The following THNSL2 variants were observed in gnomAD, a reference collection of about 807,000 sequenced individuals.
THNSL2 encodes threonine synthase-like 2.
A neutral mutation model predicts 40.0 loss-of-function variants in THNSL2; 34 were observed. The ratio of observed to expected loss-of-function variants is 0.85; its 90% CI spans 0.65 to 1.13. THNSL2 has a LOEUF of 1.13. THNSL2 is among the 50% of genes most tolerant of loss of function. The pLI is 0.00. For synonymous variants in THNSL2, 241 were observed against 247.5 expected (o/e 0.97, Z 0.25); for missense variants, 537 against 608.8 (o/e 0.88, Z 1.24).
In THNSL2 at chr2:88,174,907, C is replaced by T; in HGVS notation, c.418+74C>T. On this transcript the variant is annotated intron_variant, in intron 3 of 8. Coordinates refer to ENST00000674334, the MANE Select transcript of THNSL2 (RefSeq NM_018271.5). Reference sequence around the variant, plus strand: ...GGGTGTCCACCTATAGGATGCTGTTCATAGAGCCACTCAGGAACTGTGGTA... The same window carrying T: ...GGGTGTCCACCTATAGGATGCTGTTTATAGAGCCACTCAGGAACTGTGGTA... 6 of 1,512,150 alleles carry T rather than the reference C, an allele frequency of 4.0e-6. No homozygotes were observed. In the South Asian group the frequency reaches 7.3e-5, roughly 18 times the overall value. The allele number at this position is 1,512,150 out of a possible 1,614,324, so 93.7% of individuals were successfully genotyped here.
At chr2:88,177,235 C>G (rs1677029965) in intron 4 of THNSL2, 2 of 152,206 alleles carry the variant, frequency 1.3e-5, no homozygotes, top group South Asian at 4.1e-4. Flanking sequence ...ATAAACGACA[C>G]TATTCAGATC....
chr2:88,183,385 G>C, intron 7 of THNSL2: 1 of 246,982 alleles, frequency 4.0e-6, no homozygotes, highest in Non-Finnish European at 7.8e-6. Flanking sequence ...TAGAGTTGTT[G>C]TGAGATTTAA....
At chr2:88,184,863 A>G (rs1678096108) in intron 7 of THNSL2, among the ~76,000 whole-genome samples, 1 of 152,220 alleles carries the variant, frequency 6.6e-6, no homozygotes, top group South Asian at 2.1e-4. Flanking sequence ...CATGCAATAC[A>G]TTTTCAGAAG....
At chr2:88,175,537 G>A in intron 4 of THNSL2, 136 bp downstream of exon 4, 1 of 1,173,860 alleles carries the variant, frequency 8.5e-7, no homozygotes, top group Non-Finnish European at 1.2e-6. Flanking sequence ...CGAGGTTGGT[G>A]TGTATGCCTT....
At chr2:88,175,100 A>G (rs891138978) in intron 3 of THNSL2, 149 bp from the exon 4 acceptor site, 63 of 934,184 alleles carry the variant, frequency 6.7e-5, no homozygotes, top group Non-Finnish European at 8.6e-5. Flanking sequence ...CCGTGGATCC[A>G]TGGACCCTAG....
chr2:88,179,789 T>G lies in THNSL2; in HGVS notation c.802+776T>G, dbSNP rs570664338. On this transcript the variant is annotated intron_variant, in intron 5 of 8. Transcript: ENST00000674334. Reference sequence around the variant, plus strand: ...GGAGAGGACACTTTCCATTTTATAATGAGGGAACAAAGGCACAGAGAAAGG... The same window carrying G: ...GGAGAGGACACTTTCCATTTTATAAGGAGGGAACAAAGGCACAGAGAAAGG... Among the ~76,000 whole-genome samples the G allele has an allele frequency of 3.9e-5, 6 of 152,342 alleles. No individual in the cohort carries two copies. In the South Asian group the frequency reaches 1.2e-3, roughly 32 times the overall value.
rs1411807793 is a variant in THNSL2, at chr2:88,178,835, T to C, written c.624T>C (p.Asp208=). 6 of 1,614,172 alleles carry C rather than the reference T, an allele frequency of 3.7e-6. No homozygotes were observed. The highest frequency in any genetic ancestry group is 2.2e-5 in the East Asian group (1 of 44,866). ...AGCCGATCAAGACTGTGTTTGCCGA[T>C]GTGGCTTTTGTCAAGAAGCACAATC... ...LDEPIKTVFA[D]VAFVKKHNLM... Residue 208 remains aspartate (D), a synonymous_variant, in exon 5 of 9, where the codon GAT becomes GAC. Coordinates refer to ENST00000674334, the MANE Select transcript of THNSL2 (RefSeq NM_018271.5).
At chr2:88,172,804 T>G (rs1573166274) in intron 1 of THNSL2, 1 of 187,172 alleles carries the variant, frequency 5.3e-6, no homozygotes, top group East Asian at 1.2e-4. Flanking sequence ...AGCTGGCAGT[T>G]GCCTACTATT....
chr2:88,182,785 C>T lies in THNSL2; in HGVS notation c.889C>T (p.Gln297Ter), dbSNP rs1558897659. 6.2e-7 allele frequency: 1 copy of T among 1,614,164 alleles called. No homozygotes were observed. The highest frequency in any genetic ancestry group is 2.2e-5 in the East Asian group (1 of 44,884). Residue 297 changes from glutamine (Q) to a stop codon, truncating the protein, a stop_gained, in exon 6 of 9, where the codon CAG becomes TAG. Coordinates refer to ENST00000674334, the MANE Select transcript of THNSL2 (RefSeq NM_018271.5). LOFTEE classifies it high-confidence loss of function. ...TGACATCATCCACAGGACTGTCCAG[C>T]AGGGAGACTTCTCTCTCTCTGAGGC... is the stretch of plus-strand genomic sequence containing the variant. Reference protein sequence around the residue: ...RNDIIHRTVQQGDFSLSEAVK... With the variant: ...RNDIIHRTVQ
chr2:88,181,113 T>TCTCTC (rs1677509078), intron 5 of THNSL2, among the ~76,000 whole-genome samples: 1 of 488 alleles, frequency 2.0e-3, no homozygotes, highest in Non-Finnish European at 3.1e-3. Context: ...CTCTCTCTCC[T>TCTCTC]CTCTCTCTCC....
At chr2:88,171,557 A>G (rs1283383207) in intron 1 of THNSL2, 12 of 284,676 alleles carry the variant, frequency 4.2e-5, no homozygotes, top group South Asian at 2.0e-4. Context: ...GTCTGGTCCT[A>G]TGAAGGCCTT....
chr2:88,181,122 C>CCT (rs1227782287), intron 5 of THNSL2, among the ~76,000 whole-genome samples: 241 of 4,726 alleles, frequency 0.051, 19 homozygotes, highest in African/African-American at 0.12. Flanking sequence ...CTCTCTCTCT[C>CCT]CTCTCTCTCC....
At chr2:88,182,649 T>C (rs1195953471) in intron 5 of THNSL2, 50 bp from the exon 6 acceptor site, 1 of 1,469,698 alleles carries the variant, frequency 6.8e-7, no homozygotes, top group Admixed American at 2.3e-5. Context: ...CTTTTTTCTT[T>C]TTGCTTTTAT....
chr2:88,172,431 A>G (rs558681430), intron 1 of THNSL2: 5 of 152,170 alleles, frequency 3.3e-5, no homozygotes, highest in African/African-American at 1.2e-4. Context: ...ATGACCAACC[A>G]TCTTAGTTTG....
At position 88,175,371 on chromosome 2, in the gene THNSL2, G is replaced by A. The variant is rs1357295076; in HGVS notation, c.541G>A (p.Val181Met). 2 of 1,614,198 alleles carry A rather than the reference G, an allele frequency of 1.2e-6. No individual in the cohort carries two copies. The highest frequency in any genetic ancestry group is 1.7e-6 in the Non-Finnish European group (2 of 1,180,034). ...GATTCAGGAGCTCCAGATGACAACG[G>A]TGCTGAAGCAGAACGTACATGTGTT... The part of the protein sequence containing the change: ...TKIQELQMTT[V>M]LKQNVHVFGV... The change falls in exon 4 of 9, where the codon GTG (valine) becomes ATG (methionine). Residue 181 changes from valine to methionine, a missense_variant. Val to Met is a conservative substitution (Grantham distance 21). Transcript: ENST00000674334.
At chr2:88,184,368 A>G (rs1457014648) in intron 7 of THNSL2, among the ~76,000 whole-genome samples, 2 of 152,200 alleles carry the variant, frequency 1.3e-5, no homozygotes, top group South Asian at 4.1e-4. Flanking sequence ...TTATATATCT[A>G]CTGTGAGCGA....
At chr2:88,179,647 C>G (rs1677321741) in intron 5 of THNSL2, among the ~76,000 whole-genome samples, 1 of 152,198 alleles carries the variant, frequency 6.6e-6, no homozygotes, top group African/African-American at 2.4e-5. Flanking sequence ...AAGTGCTGTA[C>G]AGCTGTGTAG....
At position 88,185,461 on chromosome 2, in the gene THNSL2, TAGAC is replaced by T. The variant is rs987251364; in HGVS notation, c.1214_1217del (p.Asp405GlyfsTer28). On this transcript the variant is annotated frameshift_variant, in exon 8 of 9. Transcript: ENST00000674334. LOFTEE classifies it low-confidence loss of function (END_TRUNC). ...GCCGTGAACTACCATTACCAGCAGA[TAGAC>T]AGGCAGCAGCCCAGGTACAGGCAAT... The T allele has an allele frequency of 2.5e-6, 4 of 1,611,408 alleles. No homozygotes were observed. The highest frequency in any genetic ancestry group is 1.3e-5 in the African/African-American group (1 of 74,840).
chr2:88,175,065 A>G (rs1676767638), intron 3 of THNSL2, among the ~76,000 whole-genome samples, 184 bp from the exon 4 acceptor site: 1 of 152,232 alleles, frequency 6.6e-6, no homozygotes, highest in South Asian at 2.1e-4. Flanking sequence ...GTGGTTCACA[A>G]GTTCACTTAT....
Sources: allele counts gnomAD v4.1 joint callset (sites outside exome capture counted in the v4.1 genomes callset), GRCh38; gene constraint gnomAD v4.1.1; transcripts MANE v1.5; gene names NCBI Gene and HGNC (gene_info 2026-07-23, HGNC 2026-07-21).